Variants in RTN4 observed in about 807,000 individuals in gnomAD.
RTN4 encodes the protein reticulon 4, also known as reticulon-4.
A neutral mutation model predicts 90.4 loss-of-function variants in RTN4; 32 were observed. That is an observed-to-expected ratio of 0.35 (90% CI 0.27 to 0.48). RTN4 has a LOEUF of 0.48. RTN4 is among the 20% of genes least tolerant of loss of function. The pLI is 0.99. For missense variants in RTN4, 1,706 were observed against 1,430.2 expected (o/e 1.19, Z -3.11); for synonymous variants, 629 against 552.5 (o/e 1.14, Z -1.94).
At chr2:54,976,879 G>A (rs1457528666) in intron 5 of RTN4, among the ~76,000 whole-genome samples, 1 of 152,222 alleles carries the variant, frequency 6.6e-6, no homozygotes. Flanking sequence ...ATTAACTGAA[G>A]AGGTCAAAGC....
chr2:55,019,338 T>C (rs539480093), intron 3 of RTN4, among the ~76,000 whole-genome samples: 35 of 152,220 alleles, frequency 2.3e-4, no homozygotes, highest in African/African-American at 6.3e-4. Context: ...GTTTACTAAA[T>C]TGGAGGGGCG....
chr2:54,989,227 G>A (rs368735168), intron 3 of RTN4, among the ~76,000 whole-genome samples: 39 of 152,300 alleles, frequency 2.6e-4, no homozygotes, highest in African/African-American at 8.9e-4. Flanking sequence ...GCCCATCACT[G>A]TGTCCAGTAC....
At chr2:55,128,748 A>G in the RTN4 span, among the ~76,000 whole-genome samples, 1 of 152,168 alleles carries the variant, frequency 6.6e-6, no homozygotes, top group Non-Finnish European at 1.5e-5. Context: ...ATTACAAGCA[A>G]AGAACTAATA....
chr2:54,977,954 G>A (rs987664153), intron 5 of RTN4, among the ~76,000 whole-genome samples: 1 of 152,112 alleles, frequency 6.6e-6, no homozygotes, highest in Non-Finnish European at 1.5e-5. Flanking sequence ...ATTTCACACC[G>A]GTGTTTATAA....
At chr2:55,038,733 G>A (rs1682861940) in intron 1 of RTN4, among the ~76,000 whole-genome samples, 1 of 152,232 alleles carries the variant, frequency 6.6e-6, no homozygotes, top group Non-Finnish European at 1.5e-5. Flanking sequence ...GTTACCCCAT[G>A]ACTCAGCAAT....
At chr2:55,075,054 CATAGT>C (rs781285125) in intron 2 of RTN4, among the ~76,000 whole-genome samples, 2 of 152,168 alleles carry the variant, frequency 1.3e-5, no homozygotes, top group African/African-American at 2.4e-5. Context: ...TTGTGTTCAA[CATAGT>C]ACTAGAAGTC....
intron 3 of RTN4, among the ~76,000 whole-genome samples, chr2:55,007,825 A>G (rs958905153): frequency 7.9e-5 from 12 of 151,984 alleles, no homozygotes; most frequent in African/African-American, 2.9e-4. Context: ...CTTATCTTTC[A>G]ACTCCTGTCC....
At chr2:55,044,088 T>C (rs1263248119) in intron 1 of RTN4, among the ~76,000 whole-genome samples, 1 of 150,838 alleles carries the variant, frequency 6.6e-6, no homozygotes, top group Non-Finnish European at 1.5e-5. Context: ...CCCAGCTAGT[T>C]GGGAGGCTGA....
chr2:55,090,194 G>A (rs906171920), intron 1 of RTN4, among the ~76,000 whole-genome samples: 1 of 152,198 alleles, frequency 6.6e-6, no homozygotes, highest in Non-Finnish European at 1.5e-5. Context: ...TCTACCTGGA[G>A]AAGTCCAGTA....
the RTN4 span, among the ~76,000 whole-genome samples, chr2:55,136,339 T>C: frequency 6.6e-6 from 1 of 152,146 alleles, no homozygotes; most frequent in Non-Finnish European, 1.5e-5. Flanking sequence ...CAACTGTGCA[T>C]ACAGACAGCC....
intron 3 of RTN4, among the ~76,000 whole-genome samples, chr2:55,023,554 T>G (rs1681603425): frequency 6.6e-6 from 1 of 152,052 alleles, no homozygotes. Context: ...ACACTAATTC[T>G]TCCACCTGAA....
chr2:55,021,089 TTAA>T (rs1308398660), intron 3 of RTN4, among the ~76,000 whole-genome samples: 2 of 152,180 alleles, frequency 1.3e-5, no homozygotes, highest in Admixed American at 1.3e-4. Flanking sequence ...TGCATATACA[TTAA>T]TAAGACCCAG....
At chr2:55,133,954 G>A in the RTN4 span, among the ~76,000 whole-genome samples, 6 of 152,208 alleles carry the variant, frequency 3.9e-5, no homozygotes, top group African/African-American at 1.4e-4. Flanking sequence ...AAGGCTGCTG[G>A]TTGGCTATTT....
chr2:55,129,185 A>G, the RTN4 span, among the ~76,000 whole-genome samples: 2 of 152,154 alleles, frequency 1.3e-5, no homozygotes. Context: ...AATAGCAGAA[A>G]TACAAATGGC....
intron 1 of RTN4, among the ~76,000 whole-genome samples, chr2:55,112,307 G>A (rs1033136712): frequency 3.9e-5 from 6 of 152,192 alleles, no homozygotes; most frequent in Non-Finnish European, 8.8e-5. Flanking sequence ...CAGCAACCCC[G>A]TAAAATCCTC....
chr2:54,992,772 A>C (rs1184730038), intron 3 of RTN4, among the ~76,000 whole-genome samples: 8 of 152,180 alleles, frequency 5.3e-5, no homozygotes, highest in Non-Finnish European at 2.9e-5. Flanking sequence ...ATTCTCACTT[A>C]AGAAATTAAA....
At chr2:55,088,184 G>C (rs567278143) in intron 1 of RTN4, among the ~76,000 whole-genome samples, 5 of 152,342 alleles carry the variant, frequency 3.3e-5, no homozygotes, top group African/African-American at 1.2e-4. Flanking sequence ...CTGGATGGCA[G>C]AGACAAATTC....
rs112792087 is a variant in RTN4, at chr2:54,983,988, C to T, written c.3222-1335G>A. ...ATCTTTCCAACCTTACTTCCAACTACTCTTTATGTTGCAGCCAGAAATGAG... is the reference window on the plus strand; with the variant it reads ...ATCTTTCCAACCTTACTTCCAACTATTCTTTATGTTGCAGCCAGAAATGAG... On this transcript the variant is annotated intron_variant, in intron 4 of 8. Transcript: ENST00000337526. 1.1e-3 allele frequency among the ~76,000 whole-genome samples: 163 copies of T among 152,308 alleles called. 1 individual carries two copies. The highest frequency in any genetic ancestry group is 3.8e-3 in the African/African-American group (160 of 41,560).
At chr2:55,133,688 G>A in the RTN4 span, among the ~76,000 whole-genome samples, 2 of 152,170 alleles carry the variant, frequency 1.3e-5, no homozygotes, top group East Asian at 3.9e-4. Context: ...TTAAGTGACA[G>A]AACCATAAAT....
Sources: gnomAD v4.1 joint callset for allele counts (sites outside exome capture counted in the v4.1 genomes callset) on GRCh38, gnomAD v4.1.1 for gene constraint, MANE v1.5 for transcripts, NCBI Gene and HGNC (gene_info 2026-07-23, HGNC 2026-07-21) for gene names.